TSNARE1: variants seen among roughly 807,000 people sequenced by gnomAD.
TSNARE1 encodes the protein t-SNARE domain containing 1.
A neutral mutation model predicts 62.0 loss-of-function variants in TSNARE1; 49 were observed. The ratio of observed to expected loss-of-function variants is 0.79; its 90% CI spans 0.63 to 1.00. The LOEUF (loss-of-function observed/expected upper bound fraction) is 1.00. TSNARE1 is among the 50% of genes least tolerant of loss of function. TSNARE1 has a pLI of 0.00. For missense variants in TSNARE1, 755 were observed against 700.1 expected (o/e 1.08, Z -0.88); for synonymous variants, 328 against 294.4 (o/e 1.11, Z -1.17).
At chr8:142,371,544 A>C (rs1835913326) in intron 1 of TSNARE1, among the ~76,000 whole-genome samples, 1 of 152,224 alleles carries the variant, frequency 6.6e-6, no homozygotes, top group Non-Finnish European at 1.5e-5. Context: ...TCACAAAAAC[A>C]ACCAGACAAC....
intron 1 of TSNARE1, among the ~76,000 whole-genome samples, chr8:142,379,955 T>A (rs1408984801): frequency 6.7e-6 from 1 of 149,798 alleles, no homozygotes; most frequent in African/African-American, 2.4e-5. Context: ...AAGGGCCTTC[T>A]TGTGCCGCTG....
chr8:142,373,494 C>T (rs1233115221), intron 1 of TSNARE1, among the ~76,000 whole-genome samples: 1 of 152,156 alleles, frequency 6.6e-6, no homozygotes. Context: ...TCAAAGACAA[C>T]ATCAAGAGGG....
intron 9 of TSNARE1, among the ~76,000 whole-genome samples, chr8:142,309,015 C>T (rs907628707): frequency 6.6e-6 from 1 of 152,140 alleles, no homozygotes; most frequent in Admixed American, 6.5e-5. Flanking sequence ...AGGCCTTAAA[C>T]CGCTCTTCAT....
chr8:142,221,801 TCA>T (rs1816250971), intron 13 of TSNARE1, among the ~76,000 whole-genome samples: 1 of 145,486 alleles, frequency 6.9e-6, no homozygotes, highest in African/African-American at 2.6e-5. Context: ...ACTCATTCAC[TCA>T]CTCATCCACT....
At chr8:142,303,320 G>A (rs34125582) in intron 9 of TSNARE1, among the ~76,000 whole-genome samples, 18,480 of 152,146 alleles carry the variant, frequency 0.12, 1,435 homozygotes, top group East Asian at 0.19. Context: ...GCAGTCACTG[G>A]CCCTGCCTGG....
intron 9 of TSNARE1, among the ~76,000 whole-genome samples, chr8:142,312,640 C>G (rs988462401): frequency 2.6e-5 from 4 of 152,150 alleles, no homozygotes; most frequent in African/African-American, 9.7e-5. Flanking sequence ...CTGTAAAGTA[C>G]TTGTTGCTTG....
At chr8:142,222,121 T>TTCACTCACTCATCCACTCACTCAC (rs1816306238) in intron 13 of TSNARE1, among the ~76,000 whole-genome samples, 1 of 107,344 alleles carries the variant, frequency 9.3e-6, no homozygotes, top group African/African-American at 3.8e-5. Flanking sequence ...CATCCACTCA[T>TTCACTCACTCATCCACTCACTCAC]TCACTCACTC....
At chr8:142,352,644 A>G (rs963106552) in intron 2 of TSNARE1, among the ~76,000 whole-genome samples, 28 of 152,274 alleles carry the variant, frequency 1.8e-4, no homozygotes, top group African/African-American at 6.8e-4. Context: ...GGAGGCTCTC[A>G]GAACACGATG....
At chr8:142,256,971 C>T (rs1390025351) in intron 12 of TSNARE1, among the ~76,000 whole-genome samples, 7 of 152,176 alleles carry the variant, frequency 4.6e-5, no homozygotes, top group Non-Finnish European at 8.8e-5. Context: ...AAAACAGGCT[C>T]ATTTGCATGC....
At chr8:142,303,407 C>G (rs534395889) in intron 9 of TSNARE1, among the ~76,000 whole-genome samples, 2 of 152,336 alleles carry the variant, frequency 1.3e-5, no homozygotes, top group East Asian at 3.9e-4. Context: ...AGGTGCCCCG[C>G]CTCCTGAGGC....
At chr8:142,281,786 TG>T (rs1294767377) in intron 11 of TSNARE1, among the ~76,000 whole-genome samples, 1 of 152,006 alleles carries the variant, frequency 6.6e-6, no homozygotes, top group Non-Finnish European at 1.5e-5. Context: ...CTGGGCACTG[TG>T]ACCTCTGTCC....
Position 142,222,524 on chromosome 8 carries a change from CCACT to C in TSNARE1, c.*11+6945_*11+6948del, listed in dbSNP as rs202173057. On this transcript the variant is annotated intron_variant, in intron 13 of 13. Transcript: ENST00000524325. ...CTCATCCACTCACTCACTCACTCAT[CCACT>C]CACTCACTCACTCATTCACTCACTC... Among the ~76,000 whole-genome samples, 13 of 11,968 alleles carry C rather than the reference CCACT, an allele frequency of 1.1e-3. 3 individuals are homozygous for C. Among genetic ancestry groups the C allele is most frequent in the African/African-American group, 3.2e-3 (11 of 3,432 alleles). The allele number at this position is 11,968 out of a possible 152,430, so 7.9% of individuals were successfully genotyped here.
At position 142,330,948 on chromosome 8, in the gene TSNARE1, A is replaced by C; in HGVS notation, c.846T>G (p.Leu282=). The change falls in exon 6 of 14, where the codon CTT becomes CTG. Residue 282 remains leucine (L), a synonymous_variant. Coordinates refer to ENST00000524325, the MANE Select transcript of TSNARE1 (RefSeq NM_145003.5). The part of the protein sequence containing the change: ...NSSVTSLERS[L]QSLGTPSDTQ... Reference sequence around the variant, plus strand: ...TGTCACTCGGTGTCCCTAAGGACTGAAGGCTCCGCTCCAAGGAGGTCACTG... The same window carrying C: ...TGTCACTCGGTGTCCCTAAGGACTGCAGGCTCCGCTCCAAGGAGGTCACTG... 1 of 1,614,060 alleles carries C rather than the reference A, an allele frequency of 6.2e-7. No individual in the cohort carries two copies. Among genetic ancestry groups the C allele is most frequent in the African/African-American group, 1.3e-5 (1 of 75,060 alleles).
At chr8:142,277,950 C>A (rs1433202834) in intron 11 of TSNARE1, 1 of 985,298 alleles carries the variant, frequency 1.0e-6, no homozygotes, top group Admixed American at 6.1e-5. Flanking sequence ...CCATGAAGCA[C>A]CCCCAAACCA....
intron 6 of TSNARE1, among the ~76,000 whole-genome samples, chr8:142,321,876 G>C (rs1339895358): frequency 2.6e-5 from 4 of 152,092 alleles, no homozygotes; most frequent in Non-Finnish European, 5.9e-5. Flanking sequence ...CAATCCCCTA[G>C]AAAACAGAGA....
chr8:142,274,489 A>G, intron 12 of TSNARE1: 2 of 985,392 alleles, frequency 2.0e-6, no homozygotes, highest in Non-Finnish European at 2.4e-6. Context: ...GAAGGCCCCA[A>G]GGGCCCTCCC....
intron 1 of TSNARE1, among the ~76,000 whole-genome samples, chr8:142,399,525 T>C (rs891673751): frequency 3.9e-5 from 6 of 152,198 alleles, no homozygotes; most frequent in African/African-American, 1.2e-4. Context: ...AGGATGAGGA[T>C]GCCCTCAGTA....
intron 12 of TSNARE1, among the ~76,000 whole-genome samples, chr8:142,255,595 GTCACCATCACCACCACCA>G (rs1818422038): frequency 4.7e-4 from 1 of 2,120 alleles, no homozygotes; most frequent in African/African-American, 1.3e-3. Context: ...CACCACCACT[GTCACCATCACCACCACCA>G]TCACCATCAC....
At chr8:142,282,915 C>A (rs1821866937) in intron 11 of TSNARE1, among the ~76,000 whole-genome samples, 1 of 144,964 alleles carries the variant, frequency 6.9e-6, no homozygotes, top group South Asian at 2.2e-4. Context: ...CAGTGTCTGT[C>A]AATGAGCGGA....
Sources: gnomAD v4.1 joint callset for allele counts (sites outside exome capture counted in the v4.1 genomes callset) on GRCh38, gnomAD v4.1.1 for gene constraint, MANE v1.5 for transcripts, NCBI Gene and HGNC (gene_info 2026-07-23, HGNC 2026-07-21) for gene names.